NF2: variants seen among roughly 807,000 people sequenced by gnomAD.
NF2 encodes NF2, moesin-ezrin-radixin like (MERLIN) tumor suppressor.
NF2 carries 8 observed loss-of-function variants against 83.7 expected under a neutral mutation model. That is an observed-to-expected ratio of 0.10 (90% CI 0.06 to 0.17). The LOEUF is 0.17. NF2 is among the 10% of genes least tolerant of loss of function. The probability of loss-of-function intolerance (pLI) is 1.00; values close to 1 mark genes in which losing one functional copy is unlikely to be tolerated. For synonymous variants in NF2, 266 were observed against 269.6 expected, an observed-to-expected ratio of 0.99 and a Z score of 0.13; for missense variants, 533 against 744.4, an observed-to-expected ratio of 0.72 and a Z score of 3.31.
At chr22:29,680,447 A>G (rs2067097810) in intron 14 of NF2, among the ~76,000 whole-genome samples, 1 of 152,218 alleles carries the variant, frequency 6.6e-6, no homozygotes, top group Non-Finnish European at 1.5e-5. Flanking sequence ...TGAAGACACG[A>G]ACATTCAGAC....
At chr22:29,644,263 C>G (rs1361973098) in intron 4 of NF2, among the ~76,000 whole-genome samples, 9 of 146,160 alleles carry the variant, frequency 6.2e-5, no homozygotes, top group Non-Finnish European at 9.1e-5. Context: ...CGGGCAGAGG[C>G]GCTCCTCACA....
rs867595517 is a variant in NF2, at chr22:29,654,688, G to T, written c.479G>T (p.Arg160Leu). 6.2e-7 allele frequency: 1 copy of T among 1,613,936 alleles called. No homozygotes were observed. Among genetic ancestry groups the T allele is most frequent in the Non-Finnish European group, 8.5e-7 (1 of 1,179,876 alleles). Residue 160 changes from arginine to leucine, a missense_variant, in exon 5 of 16, where the codon CGG (arginine) becomes CTG (leucine). Arg to Leu is a moderately radical substitution (Grantham distance 102, BLOSUM62 -2). This residue lies in a region of NF2 where 326 missense variants were observed against 475.1 expected (regional missense o/e 0.69). Transcript: ENST00000338641. ...YGDYDPSVHK[R>L]GFLAQEELLP... ...GACTACGACCCCAGTGTTCACAAGC[G>T]GGGATTTTTGGCCCAAGAGGAATTG...
intron 14 of NF2, among the ~76,000 whole-genome samples, chr22:29,680,663 CT>C (rs1482290349): frequency 2.6e-5 from 4 of 152,164 alleles, no homozygotes; most frequent in Non-Finnish European, 4.4e-5. Context: ...GGGATCTTTT[CT>C]TCCTTGCGTT....
intron 8 of NF2, among the ~76,000 whole-genome samples, chr22:29,663,548 G>A (rs992994629): frequency 6.6e-6 from 1 of 152,218 alleles, no homozygotes; most frequent in African/African-American, 2.4e-5. Flanking sequence ...AGAGCCTGCG[G>A]TTTCCCCACT....
intron 1 of NF2, chr22:29,608,908 G>A (rs538382544): frequency 5.6e-6 from 3 of 533,674 alleles, no homozygotes; most frequent in South Asian, 2.3e-5. Context: ...GTATGGCATC[G>A]GGCTGCAAGA....
intron 1 of NF2, among the ~76,000 whole-genome samples, chr22:29,628,715 C>T (rs1233504350): frequency 1.4e-5 from 2 of 144,704 alleles, no homozygotes; most frequent in Admixed American, 7.4e-5. Context: ...ACTGCAACCT[C>T]TGCCTCCCAA....
rs2147169084 is a variant in NF2, at chr22:29,694,086, A to T, written c.1738-666A>T. ...CATCTCCCTGACTGTCCTTCTTTAC[A>T]TTTGCTGGGCAGAGTGCCACCTGTG... On this transcript the variant is annotated intron_variant, in intron 15 of 15. Coordinates refer to ENST00000338641, the MANE Select transcript of NF2 (RefSeq NM_000268.4). The surrounding 1 kb of genome is among the most constrained non-coding windows in gnomAD (Gnocchi z 4.1). Among the ~76,000 whole-genome samples, 1 of 152,130 alleles carries T rather than the reference A, an allele frequency of 6.6e-6. No homozygotes were observed. Among genetic ancestry groups the T allele is most frequent in the African/African-American group, 2.4e-5 (1 of 41,506 alleles).
chr22:29,629,169 C>T (rs568168423), intron 1 of NF2, among the ~76,000 whole-genome samples: 8 of 152,134 alleles, frequency 5.3e-5, no homozygotes, highest in South Asian at 2.1e-4. Flanking sequence ...TGAAAGGAAA[C>T]GGCATGATGG....
chr22:29,674,086 C>T (rs1309632077), intron 12 of NF2, among the ~76,000 whole-genome samples: 1 of 152,250 alleles, frequency 6.6e-6, no homozygotes, highest in Non-Finnish European at 1.5e-5. Context: ...ACATTCCCCA[C>T]AGCTTTTGGC....
rs915396284 is a variant in NF2 at position 29,698,075 on chromosome 22, C to T, written c.*3273C>T. 8 of 229,928 alleles carry T rather than the reference C, an allele frequency of 3.5e-5. No homozygotes were observed. The highest frequency in any genetic ancestry group is 1.1e-4 in the Admixed American group (2 of 17,650). 14.2% of individuals were successfully genotyped at this position (229,928 alleles called of 1,614,324 possible). A position where few individuals can be genotyped will look rare whatever the true frequency, so the allele number is the denominator to read the frequency against. ...TGAGGCTGTCCTTTTGGCCAGTAGCCGTGTGCAGCTGTGTGGCACAGATGG... is the reference window on the plus strand; with the variant it reads ...TGAGGCTGTCCTTTTGGCCAGTAGCTGTGTGCAGCTGTGTGGCACAGATGG... On this transcript the variant is annotated 3_prime_UTR_variant, in exon 16 of 16. Transcript: ENST00000338641.
intron 14 of NF2, among the ~76,000 whole-genome samples, chr22:29,678,715 G>A (rs1290190112): frequency 6.6e-6 from 1 of 152,188 alleles, no homozygotes; most frequent in African/African-American, 2.4e-5. Context: ...GATCTGTGGT[G>A]GTTCCCATGT....
chr22:29,688,160 G>A (rs999097855), intron 15 of NF2, among the ~76,000 whole-genome samples: 27 of 152,312 alleles, frequency 1.8e-4, no homozygotes, highest in Admixed American at 1.1e-3. Flanking sequence ...ACTTTACCTG[G>A]TCAAGCAGTT....
chr22:29,641,276 T>C (rs1240693435), intron 3 of NF2, among the ~76,000 whole-genome samples: 1 of 152,180 alleles, frequency 6.6e-6, no homozygotes, highest in Non-Finnish European at 1.5e-5. Flanking sequence ...GTAAAATCAC[T>C]TTTAAAACCT....
rs561429409 is a variant in NF2, at chr22:29,613,604, G to A, written c.114+9492G>A. ...GTGTAGATCAGTGGCATAGAATTGA[G>A]AGTCCAGAAATAAACCCAGTGGAAT... is the stretch of plus-strand genomic sequence containing the variant. On this transcript the variant is annotated intron_variant, in intron 1 of 15. Coordinates refer to ENST00000338641, the MANE Select transcript of NF2 (RefSeq NM_000268.4). 2.4e-3 allele frequency among the ~76,000 whole-genome samples: 285 copies of A among 119,294 alleles called. 1 individual carries two copies. Among genetic ancestry groups the A allele is most frequent in the Middle Eastern group, 0.01 (2 of 194 alleles). The allele number at this position is 119,294 out of a possible 152,430, so 78.3% of individuals were successfully genotyped here. A position where few individuals can be genotyped will look rare whatever the true frequency, so the allele number is the denominator to read the frequency against.
intron 1 of NF2, among the ~76,000 whole-genome samples, chr22:29,612,071 G>A (rs958814186): frequency 6.6e-6 from 1 of 152,046 alleles, no homozygotes; most frequent in Non-Finnish European, 1.5e-5. Context: ...GCGGTGGCGC[G>A]ATCTCGGCTC....
chr22:29,690,262 C>T (rs2067370884), intron 15 of NF2, among the ~76,000 whole-genome samples: 1 of 152,176 alleles, frequency 6.6e-6, no homozygotes, highest in African/African-American at 2.4e-5. Flanking sequence ...TTCTTTTAGC[C>T]AGCCTCTTCT....
intron 15 of NF2, among the ~76,000 whole-genome samples, chr22:29,682,684 A>G (rs956558791): frequency 2.0e-5 from 3 of 152,204 alleles, no homozygotes; most frequent in Non-Finnish European, 4.4e-5. Context: ...GGCCTCGGTC[A>G]TTAAGGAAAG....
chr22:29,677,145 A>G (rs1280844686), intron 13 of NF2, among the ~76,000 whole-genome samples: 1 of 152,232 alleles, frequency 6.6e-6, no homozygotes, highest in African/African-American at 2.4e-5. Flanking sequence ...GGAAACTTGC[A>G]AATAGTAGAA....
intron 7 of NF2, among the ~76,000 whole-genome samples, chr22:29,660,282 G>A (rs1171656519): frequency 2.6e-5 from 4 of 152,122 alleles, no homozygotes; most frequent in African/African-American, 9.7e-5. Flanking sequence ...CATAAGTACG[G>A]CTTTTAGACA....
Sources: gnomAD v4.1 joint callset for allele counts (sites outside exome capture counted in the v4.1 genomes callset) on GRCh38, gnomAD v4.1.1 for gene constraint, gnomAD v4.1.1 regional missense constraint, Gnocchi (gnomAD v3.1) non-coding constraint, MANE v1.5 for transcripts, NCBI Gene and HGNC (gene_info 2026-07-23, HGNC 2026-07-21) for gene names.